SUMO3: variants seen among roughly 807,000 people sequenced by gnomAD.
SUMO3 encodes small ubiquitin like modifier 3, also known as small ubiquitin-related modifier 3.
Under a neutral mutation model 11.1 loss-of-function variants are expected in SUMO3, and 2 were observed. That is an observed-to-expected ratio of 0.18 (90% CI 0.07 to 0.57). SUMO3 has a LOEUF of 0.57. SUMO3 is among the 20% of genes least tolerant of loss of function. The pLI is 0.92. For synonymous variants in SUMO3, 56 were observed against 53.5 expected, an observed-to-expected ratio of 1.05 and a Z score of -0.20; for missense variants, 70 against 132.8, an observed-to-expected ratio of 0.53 and a Z score of 2.32.
In SUMO3 at chr21:44,818,039, C is replaced by T. The variant is rs1398049775; in HGVS notation, c.-71G>A. On this transcript the variant is annotated 5_prime_UTR_variant, in exon 1 of 4. Coordinates refer to ENST00000332859, the MANE Select transcript of SUMO3 (RefSeq NM_006936.3). The stretch of plus-strand genomic sequence containing the variant: ...GAGCGGGCGAGTCACGCTCTCGGCC[C>T]CGCCGCTCTCCCGCCGCAACTGTGC... 1.8e-6 allele frequency: 2 copies of T among 1,127,920 alleles called. No individual in the cohort carries two copies. Among genetic ancestry groups the T allele is most frequent in the Non-Finnish European group, 2.2e-6 (2 of 909,636 alleles). 69.9% of individuals were successfully genotyped at this position (1,127,920 alleles called of 1,614,324 possible). A position where few individuals can be genotyped will look rare whatever the true frequency, so the allele number is the denominator to read the frequency against.
At chr21:44,817,442 G>A (rs1325487587) in intron 1 of SUMO3, among the ~76,000 whole-genome samples, 5 of 152,098 alleles carry the variant, frequency 3.3e-5, no homozygotes, top group Non-Finnish European at 7.4e-5. Flanking sequence ...AGGCCCCTCA[G>A]AGCGCGCCCC....
At chr21:44,815,189 G>A (rs2083236294) in intron 1 of SUMO3, among the ~76,000 whole-genome samples, 1 of 152,222 alleles carries the variant, frequency 6.6e-6, no homozygotes, top group Non-Finnish European at 1.5e-5. Context: ...AGGGACAACT[G>A]TCCCAGCGAT....
rs2083218910 is a variant in SUMO3, at chr21:44,812,639, C to T, written c.150+1337G>A. 2.0e-5 allele frequency among the ~76,000 whole-genome samples: 3 copies of T among 152,202 alleles called. No individual in the cohort carries two copies. The South Asian group carries it at 6.2e-4, about 31-fold the overall frequency. On this transcript the variant is annotated intron_variant, in intron 2 of 3. Coordinates refer to ENST00000332859, the MANE Select transcript of SUMO3 (RefSeq NM_006936.3). ...AATCCAGGAAACACCCAAGAGAGAACCCAAGTTTCTAGAAGGATTTGAACA... is the reference window on the plus strand; with the variant it reads ...AATCCAGGAAACACCCAAGAGAGAATCCAAGTTTCTAGAAGGATTTGAACA...
chr21:44,812,258 G>A (rs2083216870), intron 2 of SUMO3, among the ~76,000 whole-genome samples: 2 of 151,556 alleles, frequency 1.3e-5, no homozygotes, highest in Non-Finnish European at 2.9e-5. Context: ...GGGTCTCCCT[G>A]TGTTGCCCAG....
At position 44,807,261 on chromosome 21, in the gene SUMO3, A is replaced by G. The variant is rs2083183116; in HGVS notation, c.223-221T>C. On this transcript the variant is annotated intron_variant, in intron 3 of 3. Coordinates refer to ENST00000332859, the MANE Select transcript of SUMO3 (RefSeq NM_006936.3). This position sits in a 1 kb window ranked among gnomAD's most constrained non-coding sequence, Gnocchi z 4.3. ...CCTTACGGTTCAACAAGCTTCCCCT[A>G]ACAAAACTCACAAAAGCAGATTCAA... 6.6e-6 allele frequency among the ~76,000 whole-genome samples: 1 copy of G among 152,198 alleles called. No individual in the cohort carries two copies. Among genetic ancestry groups the G allele is most frequent in the Non-Finnish European group, 1.5e-5 (1 of 68,040 alleles).
At chr21:44,814,437 C>G (rs1016570426) in intron 1 of SUMO3, among the ~76,000 whole-genome samples, 5 of 152,208 alleles carry the variant, frequency 3.3e-5, no homozygotes, top group Non-Finnish European at 7.3e-5. Context: ...CACAGTGGCT[C>G]ACACCTGTTA....
chr21:44,806,292 C>T lies in SUMO3; in HGVS notation c.*659G>A, dbSNP rs1004491726. ...GGGAGGGGTGGCAGGGGGGTGGGTC[C>T]TGGGCCTCAGACCCCGAGGTTACAT... On this transcript the variant is annotated 3_prime_UTR_variant, in exon 4 of 4. Transcript: ENST00000332859. 3 of 152,044 alleles carry T rather than the reference C, an allele frequency of 2.0e-5. No homozygotes were observed. Among genetic ancestry groups the T allele is most frequent in the Admixed American group, 1.3e-4 (2 of 15,264 alleles). The allele number at this position is 152,044 out of a possible 1,614,324, so 9.4% of individuals were successfully genotyped here.
chr21:44,808,431 T>G, intron 3 of SUMO3: 1 of 1,258,186 alleles, frequency 7.9e-7, no homozygotes, highest in Non-Finnish European at 1.1e-6. Context: ...GAGAATGGCG[T>G]GAACTCAGGA....
chr21:44,817,186 C>T (rs764541697), intron 1 of SUMO3, among the ~76,000 whole-genome samples: 2 of 71,314 alleles, frequency 2.8e-5, no homozygotes, highest in Non-Finnish European at 5.5e-5. Context: ...GAGGCGTGGG[C>T]GTACACCGGG....
At chr21:44,813,495 G>A (rs937774751) in intron 2 of SUMO3, 15 of 276,142 alleles carry the variant, frequency 5.4e-5, no homozygotes, top group East Asian at 1.4e-4. Context: ...AAAGAATCAC[G>A]CGCTTTCTTG....
chr21:44,812,640 C>G (rs912271917), intron 2 of SUMO3, among the ~76,000 whole-genome samples: 2 of 152,158 alleles, frequency 1.3e-5, no homozygotes, highest in African/African-American at 4.8e-5. Flanking sequence ...AAGAGAGAAC[C>G]CAAGTTTCTA....
intron 2 of SUMO3, among the ~76,000 whole-genome samples, chr21:44,809,911 G>A (rs1184025783): frequency 6.6e-6 from 1 of 152,152 alleles, no homozygotes; most frequent in Non-Finnish European, 1.5e-5. Context: ...TCCAGAAGCC[G>A]AGTAGAACTT....
In SUMO3 at chr21:44,806,941, G is replaced by T; in HGVS notation, c.*10C>A. On this transcript the variant is annotated 3_prime_UTR_variant, in exon 4 of 4. Coordinates refer to ENST00000332859, the MANE Select transcript of SUMO3 (RefSeq NM_006936.3). ...GCGAGGATGGACGGCCCGGGCTGGG[G>T]ACGGGCCCTCTAGAAACTGTGCCCT... The T allele has an allele frequency of 6.2e-7, 1 of 1,614,066 alleles. No individual in the cohort carries two copies. Among genetic ancestry groups the T allele is most frequent in the African/African-American group, 1.3e-5 (1 of 75,018 alleles).
intron 1 of SUMO3, 106 bp downstream of exon 1, chr21:44,817,842 G>GTC (rs2083257111): frequency 8.6e-3 from 1 of 116 alleles, no homozygotes; most frequent in Non-Finnish European, 0.016. Context: ...GAGGGGCGGA[G>GTC]CCTGTCAGGG....
chr21:44,806,794 T>G lies in SUMO3; in HGVS notation c.*157A>C. The G allele has an allele frequency of 7.0e-7, 1 of 1,427,324 alleles. No homozygotes were observed. Among genetic ancestry groups the G allele is most frequent in the Non-Finnish European group, 9.2e-7 (1 of 1,083,776 alleles). The allele number at this position is 1,427,324 out of a possible 1,614,324, so 88.4% of individuals were successfully genotyped here. A position where few individuals can be genotyped will look rare whatever the true frequency, so the allele number is the denominator to read the frequency against. On this transcript the variant is annotated 3_prime_UTR_variant, in exon 4 of 4. Transcript: ENST00000332859. ...TAAGTTACAGATTCATCCCTGCAGA[T>G]ATAGTTTTGAGTTGCACTTGAAGTA... is the stretch of plus-strand genomic sequence containing the variant.
rs1051745430 is a variant in SUMO3 at position 44,813,888 on chromosome 21, C to A, written c.150+88G>T. 2.5e-6 allele frequency: 4 copies of A among 1,595,738 alleles called. No homozygotes were observed. The Admixed American group carries it at 6.7e-5, about 27-fold the overall frequency. On this transcript the variant is annotated intron_variant, in intron 2 of 3. Transcript: ENST00000332859. Reference sequence around the variant, plus strand: ...TCGGGCAGCTGCATCTGGGTCCAGCCCCGAGACGCTCGTGCTCTGGGGATG... The same window carrying A: ...TCGGGCAGCTGCATCTGGGTCCAGCACCGAGACGCTCGTGCTCTGGGGATG...
At chr21:44,817,299 T>A (rs1309728364) in intron 1 of SUMO3, among the ~76,000 whole-genome samples, 2 of 122,198 alleles carry the variant, frequency 1.6e-5, no homozygotes, top group African/African-American at 6.4e-5. Flanking sequence ...GAGGGCACGA[T>A]TGGGGAGACA....
chr21:44,808,645 G>T (rs2083192823), intron 3 of SUMO3: 2 of 1,377,914 alleles, frequency 1.5e-6, no homozygotes, highest in Non-Finnish European at 9.4e-7. Context: ...TGATAATCAG[G>T]GGTTATGGCA....
In SUMO3 at chr21:44,810,197, C is replaced by A. The variant is rs1157797029; in HGVS notation, c.151-1079G>T. Among the ~76,000 whole-genome samples the A allele has an allele frequency of 6.6e-6, 1 of 152,200 alleles. No homozygotes were observed. The highest frequency in any genetic ancestry group is 2.4e-5 in the African/African-American group (1 of 41,440). On this transcript the variant is annotated intron_variant, in intron 2 of 3. Coordinates refer to ENST00000332859, the MANE Select transcript of SUMO3 (RefSeq NM_006936.3). This position sits in a 1 kb window ranked among gnomAD's most constrained non-coding sequence, Gnocchi z 4.1. The stretch of plus-strand genomic sequence containing the variant: ...CGGGGTTAAAACGTGCATCTCTGCT[C>A]CCTCCTGAAACCCCACTGAAATGAA...
Sources: allele counts gnomAD v4.1 joint callset (sites outside exome capture counted in the v4.1 genomes callset), GRCh38; gene constraint gnomAD v4.1.1; non-coding constraint Gnocchi (gnomAD v3.1); transcripts MANE v1.5; gene names NCBI Gene and HGNC (gene_info 2026-07-23, HGNC 2026-07-21).